ADGRB3: variants seen among roughly 807,000 people sequenced by gnomAD.
ADGRB3 encodes brain-specific angiogenesis inhibitor 3.
In ADGRB3, 37 loss-of-function variants were observed where a neutral mutation model predicts 193.4. That is an observed-to-expected ratio of 0.19 (90% CI 0.15 to 0.25). ADGRB3 has a LOEUF of 0.25. Ranked by LOEUF, ADGRB3 falls within the 10% of genes least tolerant of loss-of-function variation. The pLI is 1.00. For synonymous variants in ADGRB3, 690 were observed against 644.2 expected, an observed-to-expected ratio of 1.07 and a Z score of -1.08; for missense variants, 1,637 against 1,852.9, an observed-to-expected ratio of 0.88 and a Z score of 2.14.
At chr6:68,668,791 C>G (rs958267280) in intron 3 of ADGRB3, among the ~76,000 whole-genome samples, 1 of 151,896 alleles carries the variant, frequency 6.6e-6, no homozygotes, top group Non-Finnish European at 1.5e-5. Context: ...TTTCTTTTCT[C>G]TCTACCTCCA....
intron 3 of ADGRB3, among the ~76,000 whole-genome samples, chr6:68,652,802 A>C (rs914183790): frequency 6.6e-6 from 1 of 152,164 alleles, no homozygotes; most frequent in Non-Finnish European, 1.5e-5. Flanking sequence ...TAGAGCAATA[A>C]TAATTATGCT....
chr6:68,892,092 C>T (rs1478909655), intron 3 of ADGRB3, among the ~76,000 whole-genome samples: 1 of 152,210 alleles, frequency 6.6e-6, no homozygotes, highest in Non-Finnish European at 1.5e-5. Context: ...TACCCTCCTG[C>T]AGCTAGTGGC....
At position 68,857,460 on chromosome 6, in the gene ADGRB3, A is replaced by G. The variant is rs1013711575; in HGVS notation, c.758-73099A>G. Among the ~76,000 whole-genome samples, 4 of 152,326 alleles carry G rather than the reference A, an allele frequency of 2.6e-5. No individual in the cohort carries two copies. The East Asian group carries it at 7.7e-4, about 29-fold the overall frequency. ...ACCTGAATGTAAGACATGGAGTCAA[A>G]GGTGATCATTTTGGAGCTTTAAGAG... is the stretch of plus-strand genomic sequence containing the variant. On this transcript the variant is annotated intron_variant, in intron 3 of 31. Transcript: ENST00000370598.
chr6:68,813,856 T>G (rs990459969), intron 3 of ADGRB3, among the ~76,000 whole-genome samples: 1 of 152,190 alleles, frequency 6.6e-6, no homozygotes, highest in Non-Finnish European at 1.5e-5. Flanking sequence ...GGTTTCCAGC[T>G]TCATCTATGT....
At chr6:68,776,418 G>C (rs560978933) in intron 3 of ADGRB3, among the ~76,000 whole-genome samples, 1 of 152,314 alleles carries the variant, frequency 6.6e-6, no homozygotes, top group South Asian at 2.1e-4. Flanking sequence ...CCTGAAGTCT[G>C]TGGCATGAAT....
chr6:69,216,172 T>G (rs1033066803), intron 17 of ADGRB3, among the ~76,000 whole-genome samples: 5 of 152,104 alleles, frequency 3.3e-5, no homozygotes, highest in African/African-American at 9.7e-5. Flanking sequence ...GGCACTTTAT[T>G]TGTTAAGTGG....
intron 10 of ADGRB3, among the ~76,000 whole-genome samples, chr6:68,988,119 G>A (rs1341319225): frequency 1.3e-5 from 2 of 152,080 alleles, no homozygotes; most frequent in Non-Finnish European, 1.5e-5. Context: ...AGGTACTTTT[G>A]TGTGTCACAT....
At chr6:69,269,501 T>A (rs1767127801) in intron 20 of ADGRB3, among the ~76,000 whole-genome samples, 1 of 152,210 alleles carries the variant, frequency 6.6e-6, no homozygotes, top group African/African-American at 2.4e-5. Flanking sequence ...CTTCAAGTAG[T>A]TCCCTTTAAT....
intron 3 of ADGRB3, among the ~76,000 whole-genome samples, chr6:68,769,631 T>C (rs940431576): frequency 6.6e-6 from 1 of 152,128 alleles, no homozygotes; most frequent in East Asian, 1.9e-4. Context: ...GCCACGTGTA[T>C]ACCTATGTAA....
intron 6 of ADGRB3, among the ~76,000 whole-genome samples, chr6:68,952,064 C>A (rs867445450): frequency 6.6e-6 from 1 of 152,026 alleles, no homozygotes; most frequent in African/African-American, 2.4e-5. Flanking sequence ...ACATTTATCC[C>A]TAAAAGATAA....
intron 3 of ADGRB3, among the ~76,000 whole-genome samples, chr6:68,919,518 G>A (rs1265714819): frequency 6.6e-6 from 1 of 152,326 alleles, no homozygotes; most frequent in Non-Finnish European, 1.5e-5. Context: ...CTGTAGGAAT[G>A]AGTGAGATTT....
chr6:68,738,086 G>C (rs769277330), intron 3 of ADGRB3, among the ~76,000 whole-genome samples: 1 of 152,132 alleles, frequency 6.6e-6, no homozygotes, highest in African/African-American at 2.4e-5. Flanking sequence ...ATCTGAAAGG[G>C]AATAAGGATG....
At chr6:69,265,516 C>T (rs1177915566) in intron 20 of ADGRB3, among the ~76,000 whole-genome samples, 1 of 151,912 alleles carries the variant, frequency 6.6e-6, no homozygotes, top group East Asian at 1.9e-4. Flanking sequence ...GCACCCAAAT[C>T]TCTCAATTTG....
At chr6:68,994,050 C>T (rs1002270360) in intron 11 of ADGRB3, 88 bp downstream of exon 11, 151 of 1,288,138 alleles carry the variant, frequency 1.2e-4, no homozygotes, top group Non-Finnish European at 1.2e-4. Flanking sequence ...GTCTTGGAGG[C>T]GGACTGGAGG....
At chr6:69,185,867 A>T (rs1381862483) in intron 17 of ADGRB3, among the ~76,000 whole-genome samples, 2 of 152,190 alleles carry the variant, frequency 1.3e-5, no homozygotes. Flanking sequence ...ATTCATTTTG[A>T]ATTTGTATTT....
intron 30 of ADGRB3, among the ~76,000 whole-genome samples, chr6:69,382,301 G>T (rs1769965984): frequency 1.3e-5 from 2 of 151,800 alleles, no homozygotes; most frequent in Non-Finnish European, 2.9e-5. Flanking sequence ...AAAATGCAAG[G>T]TTTTACATCC....
At position 68,662,852 on chromosome 6, in the gene ADGRB3, A is replaced by C. The variant is rs545325961; in HGVS notation, c.757+23420A>C. ...TTAACTACAAAACCACTATTTTGGA[A>C]CTACTCACTTCTAAGGAAAATGGGA... On this transcript the variant is annotated intron_variant, in intron 3 of 31. Coordinates refer to ENST00000370598, the MANE Select transcript of ADGRB3 (RefSeq NM_001704.3). Among the ~76,000 whole-genome samples, 10 of 151,368 alleles carry C rather than the reference A, an allele frequency of 6.6e-5. No homozygotes were observed. The East Asian group carries it at 2.0e-3, about 30-fold the overall frequency.
chr6:69,315,618 C>T (rs1229713021), intron 20 of ADGRB3, among the ~76,000 whole-genome samples: 1 of 151,348 alleles, frequency 6.6e-6, no homozygotes, highest in South Asian at 2.1e-4. Context: ...CCTTTGAAAT[C>T]ACTGTGGTCG....
chr6:69,306,523 A>T (rs1013492999), intron 20 of ADGRB3, among the ~76,000 whole-genome samples: 2 of 151,558 alleles, frequency 1.3e-5, no homozygotes, highest in African/African-American at 4.9e-5. Flanking sequence ...GGAAGCTTAC[A>T]TAAAGGGAGA....
Sources: gnomAD v4.1 joint callset for allele counts (sites outside exome capture counted in the v4.1 genomes callset) on GRCh38, gnomAD v4.1.1 for gene constraint, MANE v1.5 for transcripts, NCBI Gene and HGNC (gene_info 2026-07-23, HGNC 2026-07-21) for gene names.